The following NPEPPS variants were observed in gnomAD, a reference collection of about 807,000 sequenced individuals.
NPEPPS encodes the protein puromycin-sensitive aminopeptidase.
Under a neutral mutation model 115.5 loss-of-function variants are expected in NPEPPS, and 14 were observed. The ratio of observed to expected loss-of-function variants is 0.12; its 90% CI spans 0.08 to 0.19. NPEPPS has a LOEUF of 0.19. Ranked by LOEUF, NPEPPS falls within the 10% of genes least tolerant of loss-of-function variation. NPEPPS has a pLI of 1.00. For synonymous variants in NPEPPS, 285 were observed against 390.6 expected (o/e 0.73, Z 3.19); for missense variants, 523 against 1,110.8 (o/e 0.47, Z 7.52).
chr17:47,596,320 A>G, intron 12 of NPEPPS, 33 bp from the exon 13 acceptor site: 1 of 1,307,470 alleles, frequency 7.6e-7, no homozygotes, highest in Non-Finnish European at 1.1e-6. Context: ...ATAAAAATAT[A>G]AACATTTTAG....
intron 17 of NPEPPS, among the ~76,000 whole-genome samples, chr17:47,611,545 T>C (rs1176064987): frequency 6.6e-6 from 1 of 151,510 alleles, no homozygotes; most frequent in Non-Finnish European, 1.5e-5. Context: ...AGCTTCAACC[T>C]CCTTGCAGCC....
chr17:47,570,462 A>G (rs138270820), intron 3 of NPEPPS, among the ~76,000 whole-genome samples: 55 of 152,318 alleles, frequency 3.6e-4, no homozygotes, highest in Middle Eastern at 6.8e-3. Context: ...TGCATCTTCT[A>G]TTAATTGAAT....
chr17:47,612,851 C>G (rs1033391510), intron 18 of NPEPPS, among the ~76,000 whole-genome samples: 1 of 151,958 alleles, frequency 6.6e-6, no homozygotes, highest in African/African-American at 2.4e-5. Flanking sequence ...TCAGTAGAGA[C>G]GAGGTTTCGC....
intron 12 of NPEPPS, among the ~76,000 whole-genome samples, chr17:47,594,639 A>ATGTTT (rs1912742433): frequency 8.6e-6 from 1 of 116,688 alleles, no homozygotes; most frequent in Admixed American, 8.9e-5. Context: ...ATGTTATGTT[A>ATGTTT]TGTTATTTTT....
intron 15 of NPEPPS, chr17:47,602,034 C>T (rs1877252617): frequency 3.3e-6 from 1 of 306,608 alleles, no homozygotes; most frequent in Non-Finnish European, 6.1e-6. Flanking sequence ...TAGTCTCACA[C>T]CTTCAAACTC....
chr17:47,559,021 G>T (rs1910254042), intron 2 of NPEPPS, among the ~76,000 whole-genome samples: 1 of 149,442 alleles, frequency 6.7e-6, no homozygotes, highest in Admixed American at 6.7e-5. Flanking sequence ...CTGGACAACA[G>T]AGCGAGACTC....
chr17:47,559,513 A>G, intron 2 of NPEPPS: 2 of 226,776 alleles, frequency 8.8e-6, no homozygotes, highest in South Asian at 9.1e-5. Flanking sequence ...TATATTTTTG[A>G]ACATAGTAAG....
At chr17:47,532,088 G>A (rs73985167) in intron 1 of NPEPPS, among the ~76,000 whole-genome samples, 6 of 152,090 alleles carry the variant, frequency 3.9e-5, no homozygotes, top group East Asian at 1.9e-4. Flanking sequence ...CTTCTAGAAG[G>A]GGGGGGAGAG....
intron 1 of NPEPPS, among the ~76,000 whole-genome samples, chr17:47,523,689 C>T (rs1199464189): frequency 1.3e-5 from 2 of 152,078 alleles, no homozygotes; most frequent in African/African-American, 4.8e-5. Context: ...TCCCAAAGTG[C>T]TGGGATTACA....
In NPEPPS at chr17:47,623,145, T is replaced by G; in HGVS notation, c.*1225T>G. 1 of 257,052 alleles carries G rather than the reference T, an allele frequency of 3.9e-6. No individual in the cohort carries two copies. Among genetic ancestry groups the G allele is most frequent in the African/African-American group, 2.3e-5 (1 of 43,074 alleles). The allele number at this position is 257,052 out of a possible 1,614,324, so 15.9% of individuals were successfully genotyped here. ...TGTGTTATTAACAGAAATTCATATT[T>G]GGTGTGGCTTAACGGTATTTCAGAA... is the stretch of plus-strand genomic sequence containing the variant. On this transcript the variant is annotated 3_prime_UTR_variant, in exon 23 of 23. Coordinates refer to ENST00000322157, the MANE Select transcript of NPEPPS (RefSeq NM_006310.4).
At chr17:47,611,472 AAAG>A (rs1427039001) in intron 17 of NPEPPS, among the ~76,000 whole-genome samples, 2 of 151,358 alleles carry the variant, frequency 1.3e-5, no homozygotes, top group Admixed American at 1.3e-4. Context: ...AAAAAAAAAA[AAAG>A]AGACAAGGTC....
At chr17:47,551,981 C>CTT (rs1399275639) in intron 2 of NPEPPS, among the ~76,000 whole-genome samples, 1 of 90,924 alleles carries the variant, frequency 1.1e-5, no homozygotes, top group Admixed American at 1.4e-4. Context: ...TTTTTTTTTT[C>CTT]TTTTTTTTTT....
At chr17:47,582,492 G>A (rs529411891) in intron 4 of NPEPPS, 15 of 418,066 alleles carry the variant, frequency 3.6e-5, no homozygotes, top group South Asian at 2.6e-4. Context: ...CAAAAATTTA[G>A]TTGTAAATAA....
chr17:47,543,533 G>A (rs1476684416), intron 1 of NPEPPS, among the ~76,000 whole-genome samples: 1 of 147,678 alleles, frequency 6.8e-6, no homozygotes, highest in African/African-American at 2.5e-5. Context: ...CACCATGTTG[G>A]TCAGGCTGGT....
At chr17:47,609,982 T>A (rs1913742596) in intron 17 of NPEPPS, among the ~76,000 whole-genome samples, 4 of 152,188 alleles carry the variant, frequency 2.6e-5, no homozygotes, top group Admixed American at 2.6e-4. Flanking sequence ...TGTGTGCCAT[T>A]AACTGTTTTT....
chr17:47,526,333 T>C (rs1367782006), upstream of NPEPPS, among the ~76,000 whole-genome samples: 1 of 152,198 alleles, frequency 6.6e-6, no homozygotes, highest in Non-Finnish European at 1.5e-5. Context: ...TGGGTGGAGT[T>C]AGTCAATGAG....
At chr17:47,607,327 C>T (rs1453140790) in intron 17 of NPEPPS, among the ~76,000 whole-genome samples, 1 of 151,988 alleles carries the variant, frequency 6.6e-6, no homozygotes, top group Admixed American at 6.6e-5. Flanking sequence ...TTGAGGCTAC[C>T]TAGAAGAAAA....
intron 1 of NPEPPS, among the ~76,000 whole-genome samples, chr17:47,541,422 G>T: frequency 6.6e-6 from 1 of 151,404 alleles, no homozygotes; most frequent in African/African-American, 2.4e-5. Context: ...TGTCGCCCAG[G>T]TTGGAGTGCA....
At chr17:47,586,498 T>C in intron 8 of NPEPPS, 100 bp downstream of exon 8, 2 of 842,146 alleles carry the variant, frequency 2.4e-6, no homozygotes, top group South Asian at 1.6e-5. Flanking sequence ...CTTTACGATA[T>C]GGTGTAAATT....
Sources: gnomAD v4.1 joint callset for allele counts (sites outside exome capture counted in the v4.1 genomes callset) on GRCh38, gnomAD v4.1.1 for gene constraint, MANE v1.5 for transcripts, NCBI Gene and HGNC (gene_info 2026-07-23, HGNC 2026-07-21) for gene names.